The following CYSTM1 variants were observed in gnomAD, a reference collection of about 807,000 sequenced individuals.
CYSTM1 encodes the protein cysteine-rich transmembrane module-containing protein 1.
Under a neutral mutation model 13.1 loss-of-function variants are expected in CYSTM1, and 4 were observed. The ratio of observed to expected loss-of-function variants is 0.31; its 90% CI spans 0.15 to 0.70. The LOEUF (loss-of-function observed/expected upper bound fraction) is 0.70, where lower values mean the gene tolerates loss of function less well. Ranked by LOEUF, CYSTM1 falls within the 30% of genes least tolerant of loss-of-function variation. CYSTM1 has a pLI of 0.72. For missense variants in CYSTM1, 96 were observed against 121.6 expected, an observed-to-expected ratio of 0.79 and a Z score of 0.99; for synonymous variants, 36 against 42.7, an observed-to-expected ratio of 0.84 and a Z score of 0.62.
chr5:140,242,812 G>T (rs1404621593), intron 2 of CYSTM1, among the ~76,000 whole-genome samples: 1 of 152,176 alleles, frequency 6.6e-6, no homozygotes, highest in Non-Finnish European at 1.5e-5. Flanking sequence ...AGAGGTTGGG[G>T]GCACATTCTG....
At chr5:140,203,666 A>G (rs1581063898) in intron 2 of CYSTM1, among the ~76,000 whole-genome samples, 1 of 152,382 alleles carries the variant, frequency 6.6e-6, no homozygotes, top group South Asian at 2.1e-4. Context: ...CTAGGCTTAT[A>G]TCAGAATATA....
intron 2 of CYSTM1, among the ~76,000 whole-genome samples, chr5:140,228,571 G>A (rs1764586953): frequency 6.6e-6 from 1 of 152,222 alleles, no homozygotes; most frequent in South Asian, 2.1e-4. Flanking sequence ...AAAGCGCAGT[G>A]AACCAGATCA....
chr5:140,191,005 G>A (rs1764087586), intron 1 of CYSTM1, among the ~76,000 whole-genome samples: 1 of 152,224 alleles, frequency 6.6e-6, no homozygotes, highest in South Asian at 2.1e-4. Context: ...GTTATGTAAA[G>A]TGGTTTGTAC....
chr5:140,234,323 A>G (rs942474426), intron 2 of CYSTM1, among the ~76,000 whole-genome samples: 4 of 152,214 alleles, frequency 2.6e-5, no homozygotes, highest in African/African-American at 9.6e-5. Flanking sequence ...CTGTTTGCCA[A>G]TACCATTAAC....
chr5:140,186,506 T>C (rs1471525618), intron 1 of CYSTM1, among the ~76,000 whole-genome samples: 1 of 152,254 alleles, frequency 6.6e-6, no homozygotes, highest in East Asian at 1.9e-4. Flanking sequence ...AGTCATGTGA[T>C]CATCACTTCT....
chr5:140,225,286 G>A (rs967959522), intron 2 of CYSTM1, among the ~76,000 whole-genome samples: 1 of 152,238 alleles, frequency 6.6e-6, no homozygotes, highest in African/African-American at 2.4e-5. Context: ...GCTAGGACTG[G>A]CAGGTGGTGT....
intron 2 of CYSTM1, among the ~76,000 whole-genome samples, chr5:140,209,708 G>A (rs370252838): frequency 1.2e-4 from 19 of 152,240 alleles, no homozygotes; most frequent in African/African-American, 3.4e-4. Flanking sequence ...GATTACAGGC[G>A]TGAGCCACCG....
At position 140,230,967 on chromosome 5, in the gene CYSTM1, T is replaced by C. The variant is rs1764611336; in HGVS notation, c.188-12338T>C. Among the ~76,000 whole-genome samples the C allele has an allele frequency of 6.6e-6, 1 of 152,252 alleles. No individual in the cohort carries two copies. The highest frequency in any genetic ancestry group is 2.1e-4 in the South Asian group (1 of 4,832). Reference sequence around the variant, plus strand: ...TTTCTCGGCCTTTTACTGTTTCATCTACATTTTAGAATGTGTGTTAGTTTC... The same window carrying C: ...TTTCTCGGCCTTTTACTGTTTCATCCACATTTTAGAATGTGTGTTAGTTTC... On this transcript the variant is annotated intron_variant, in intron 2 of 2. Coordinates refer to ENST00000261811, the MANE Select transcript of CYSTM1 (RefSeq NM_032412.4). This position sits in a 1 kb window ranked among gnomAD's most constrained non-coding sequence, Gnocchi z 4.1.
chr5:140,209,532 C>T (rs1336944267), intron 2 of CYSTM1, among the ~76,000 whole-genome samples: 3 of 151,546 alleles, frequency 2.0e-5, no homozygotes, highest in Non-Finnish European at 4.4e-5. Context: ...CGGGTTCAAG[C>T]GATTCTCCTG....
intron 2 of CYSTM1, among the ~76,000 whole-genome samples, chr5:140,221,473 T>C (rs901672592): frequency 3.3e-5 from 5 of 152,258 alleles, no homozygotes; most frequent in African/African-American, 1.2e-4. Context: ...CATATAGTAT[T>C]TGTCCTTCTG....
chr5:140,214,545 C>G (rs902283507), intron 2 of CYSTM1, among the ~76,000 whole-genome samples: 1 of 152,162 alleles, frequency 6.6e-6, no homozygotes, highest in African/African-American at 2.4e-5. Context: ...GCTTCCAGAC[C>G]AGATGGCCTT....
rs147481261 is a variant in CYSTM1, at chr5:140,204,197, C to T, written c.187+9545C>T. On this transcript the variant is annotated intron_variant, in intron 2 of 2. Coordinates refer to ENST00000261811, the MANE Select transcript of CYSTM1 (RefSeq NM_032412.4). ...GCCTAGGCACCGTACTAAGACACCA[C>T]ACATCTCTACAAATAATAAAAGAAA... Among the ~76,000 whole-genome samples the T allele has an allele frequency of 8.0e-3, 1,222 of 152,162 alleles. 11 individuals carry two copies. The highest frequency in any genetic ancestry group is 0.017 in the Middle Eastern group (5 of 294).
intron 1 of CYSTM1, among the ~76,000 whole-genome samples, chr5:140,191,051 T>C (rs1194728946): frequency 1.3e-5 from 2 of 152,226 alleles, no homozygotes; most frequent in Non-Finnish European, 2.9e-5. Context: ...TTTTTTGCTT[T>C]GCTTTTCTTC....
chr5:140,223,698 G>A (rs889214900), intron 2 of CYSTM1, among the ~76,000 whole-genome samples: 3 of 148,836 alleles, frequency 2.0e-5, no homozygotes, highest in Admixed American at 2.0e-4. Flanking sequence ...CAGTAACCCA[G>A]CTTTCAGCTG....
chr5:140,234,870 C>T (rs958179930), intron 2 of CYSTM1, among the ~76,000 whole-genome samples: 10 of 152,206 alleles, frequency 6.6e-5, no homozygotes, highest in African/African-American at 1.2e-4. Flanking sequence ...TTTACACCGT[C>T]ATCACAGGGT....
chr5:140,208,332 T>A (rs1764322501), intron 2 of CYSTM1, among the ~76,000 whole-genome samples: 1 of 152,236 alleles, frequency 6.6e-6, no homozygotes, highest in African/African-American at 2.4e-5. Context: ...TGAAATAAGC[T>A]AGGCACAAAG....
In CYSTM1 at chr5:140,243,472, GC is replaced by G; in HGVS notation, c.*66del. ...GCTGCCACCTCTGACAGGTGTGCCT[GC>G]CCCCATCTCTTCTGATTGCTGTTAA... On this transcript the variant is annotated 3_prime_UTR_variant, in exon 3 of 3. Coordinates refer to ENST00000261811, the MANE Select transcript of CYSTM1 (RefSeq NM_032412.4). 7.0e-7 allele frequency: 1 copy of G among 1,425,642 alleles called. No individual in the cohort carries two copies. Among genetic ancestry groups the G allele is most frequent in the Non-Finnish European group, 9.8e-7 (1 of 1,022,190 alleles). 88.3% of individuals were successfully genotyped at this position (1,425,642 alleles called of 1,614,324 possible). A position where few individuals can be genotyped will look rare whatever the true frequency, so the allele number is the denominator to read the frequency against.
Position 140,219,072 on chromosome 5 carries a change from G to T in CYSTM1, c.188-24233G>T, listed in dbSNP as rs994198659. Among the ~76,000 whole-genome samples the T allele has an allele frequency of 6.6e-6, 1 of 152,154 alleles. No homozygotes were observed. The highest frequency in any genetic ancestry group is 2.4e-5 in the African/African-American group (1 of 41,432). ...CTGATAGAGTTCACCATGGAAGGGA[G>T]TTGTTTCCCTAAACTCTGGCCCTGT... On this transcript the variant is annotated intron_variant, in intron 2 of 2. Coordinates refer to ENST00000261811, the MANE Select transcript of CYSTM1 (RefSeq NM_032412.4). This position sits in a 1 kb window ranked among gnomAD's most constrained non-coding sequence, Gnocchi z 4.1.
In CYSTM1 at chr5:140,228,795, G is replaced by A. The variant is rs1012860460; in HGVS notation, c.188-14510G>A. On this transcript the variant is annotated intron_variant, in intron 2 of 2. Coordinates refer to ENST00000261811, the MANE Select transcript of CYSTM1 (RefSeq NM_032412.4). ...TCAGGCAGTCCTGGCTGCTTGCTGGGCTGCTCTCTGCTGCTGCTGCCTCCT... is the reference window on the plus strand; with the variant it reads ...TCAGGCAGTCCTGGCTGCTTGCTGGACTGCTCTCTGCTGCTGCTGCCTCCT... 1.3e-5 allele frequency: 5 copies of A among 399,648 alleles called. No individual in the cohort carries two copies. In the South Asian group the frequency reaches 6.4e-4, roughly 51 times the overall value. 24.8% of individuals were successfully genotyped at this position (399,648 alleles called of 1,614,324 possible).
Sources: allele counts gnomAD v4.1 joint callset (sites outside exome capture counted in the v4.1 genomes callset), GRCh38; gene constraint gnomAD v4.1.1; non-coding constraint Gnocchi (gnomAD v3.1); transcripts MANE v1.5; gene names NCBI Gene and HGNC (gene_info 2026-07-23, HGNC 2026-07-21).